DLG5: variants seen among roughly 807,000 people sequenced by gnomAD.
DLG5 encodes the protein discs large MAGUK scaffold protein 5.
A neutral mutation model predicts 189.8 loss-of-function variants in DLG5; 48 were observed. The ratio of observed to expected loss-of-function variants is 0.25; its 90% CI spans 0.20 to 0.32. The LOEUF is 0.32. Among genes scored for constraint, DLG5 ranks in the 10% least tolerant of loss-of-function variants. The pLI is 1.00. For missense variants in DLG5, 2,160 were observed against 2,544.7 expected, an observed-to-expected ratio of 0.85 and a Z score of 3.25; for synonymous variants, 1,016 against 1,054.1, an observed-to-expected ratio of 0.96 and a Z score of 0.70.
intron 12 of DLG5, 124 bp from the exon 13 acceptor site, chr10:77,829,109 G>A (rs1034572142): frequency 1.1e-5 from 12 of 1,117,532 alleles, no homozygotes; most frequent in South Asian, 3.0e-5. Context: ...CCCTGTCTAC[G>A]CCTGCACCCT....
At chr10:77,868,063 T>A (rs2154577022) in intron 2 of DLG5, 2 of 456,620 alleles carry the variant, frequency 4.4e-6, no homozygotes, top group South Asian at 1.5e-5. Context: ...CCGGGACAGA[T>A]CTCTCCCTAG....
chr10:77,938,386 G>A, the DLG5 span, among the ~76,000 whole-genome samples: 1 of 152,090 alleles, frequency 6.6e-6, no homozygotes, highest in Non-Finnish European at 1.5e-5. Context: ...AGCTATGATT[G>A]TGCCACTGTA....
intron 1 of DLG5, among the ~76,000 whole-genome samples, chr10:77,883,891 G>T (rs974432918): frequency 5.9e-5 from 9 of 152,158 alleles, no homozygotes; most frequent in Middle Eastern, 3.4e-3. Context: ...GAGAGACAGT[G>T]TTTTGCCATG....
chr10:77,839,081 G>C (rs1843292891), intron 7 of DLG5, among the ~76,000 whole-genome samples: 1 of 152,262 alleles, frequency 6.6e-6, no homozygotes, highest in South Asian at 2.1e-4. Flanking sequence ...TGCGGTGGTT[G>C]CCGCAAGGAC....
In DLG5 at chr10:77,829,968, A is replaced by G. The variant is rs77518267; in HGVS notation, c.2009+249T>C. 3.6e-3 allele frequency among the ~76,000 whole-genome samples: 551 copies of G among 152,338 alleles called. 4 individuals are homozygous for G. Among genetic ancestry groups the G allele is most frequent in the African/African-American group, 0.012 (513 of 41,580 alleles). Reference sequence around the variant, plus strand: ...CCTGGGCTCTCACGCATACCCCTTGAGCACTTTCCCACCCAAAGGAGCAAA... The same window carrying G: ...CCTGGGCTCTCACGCATACCCCTTGGGCACTTTCCCACCCAAAGGAGCAAA... On this transcript the variant is annotated intron_variant, in intron 11 of 31. Coordinates refer to ENST00000372391, the MANE Select transcript of DLG5 (RefSeq NM_004747.4).
In DLG5 at chr10:77,819,964, C is replaced by A; in HGVS notation, c.3457G>T (p.Ala1153Ser). 1 of 1,612,442 alleles carries A rather than the reference C, an allele frequency of 6.2e-7. No individual in the cohort carries two copies. The highest frequency in any genetic ancestry group is 1.1e-5 in the South Asian group (1 of 90,916). Reference protein sequence around the residue: ...GELSPELQEWAPYSPGHSSRH... With the variant: ...GELSPELQEWSPYSPGHSSRH... ...CTGGAATGCCCAGGCGAGTAAGGTG[C>A]CCACTCCTGGAGCTCCGGGGAGAGT... Residue 1153 changes from alanine (A) to serine (S), a missense_variant, in exon 16 of 32, where the codon GCA becomes TCA. Physicochemically the swap from Ala to Ser is moderately conservative, Grantham distance 99. Around this residue, in one of 5 missense-constraint regions of DLG5, gnomAD observed 754 missense variants for 746.5 expected, o/e 1.01. Coordinates refer to ENST00000372391, the MANE Select transcript of DLG5 (RefSeq NM_004747.4).
At position 77,805,773 on chromosome 10, in the gene DLG5, G is replaced by A. The variant is rs200998713; in HGVS notation, c.5056C>T (p.Arg1686Trp). The A allele has an allele frequency of 2.3e-5, 37 of 1,614,202 alleles. No individual in the cohort carries two copies. Among genetic ancestry groups the A allele is most frequent in the East Asian group, 8.9e-5 (4 of 44,868 alleles). ...ATKTLSAAAR[R>W]SFFRRKHKHK... ...TTGTGTTTCCTCCGAAAAAAGGACC[G>A]GCGTGCAGCCGCTGACAGCGTCTTT... The change falls in exon 27 of 32, where the codon CGG becomes TGG. Residue 1686 changes from arginine to tryptophan, a missense_variant. Transcript: ENST00000372391.
At chr10:77,921,546 T>A (rs1431879179) in intron 1 of DLG5, among the ~76,000 whole-genome samples, 1 of 152,194 alleles carries the variant, frequency 6.6e-6, no homozygotes, top group Non-Finnish European at 1.5e-5. Flanking sequence ...TACCTCTGCA[T>A]CCCCAATTCC....
chr10:77,935,001 G>A, the DLG5 span, among the ~76,000 whole-genome samples: 1 of 152,038 alleles, frequency 6.6e-6, no homozygotes, highest in East Asian at 1.9e-4. Flanking sequence ...GGGACTACAG[G>A]CGCCCGCCAC....
chr10:77,837,823 T>C (rs751176528), intron 7 of DLG5, among the ~76,000 whole-genome samples: 8 of 152,204 alleles, frequency 5.3e-5, no homozygotes, highest in South Asian at 2.1e-4. Flanking sequence ...TCTTTCTTCC[T>C]GTGCTGGGTG....
intron 24 of DLG5, among the ~76,000 whole-genome samples, chr10:77,808,678 G>A (rs539049879): frequency 4.6e-5 from 7 of 152,134 alleles, no homozygotes; most frequent in East Asian, 1.9e-4. Flanking sequence ...ACCTGAGGGC[G>A]AGCACCCCCT....
At chr10:77,862,917 G>A (rs1205272345) in intron 2 of DLG5, among the ~76,000 whole-genome samples, 3 of 152,118 alleles carry the variant, frequency 2.0e-5, no homozygotes, top group African/African-American at 7.2e-5. Flanking sequence ...GACTGAAGGT[G>A]GGGAAAGGGC....
chr10:77,806,607 T>G (rs10762764), intron 26 of DLG5, 151 bp downstream of exon 26: 426,832 of 1,107,424 alleles, frequency 0.39, 84,892 homozygotes, highest in African/African-American at 0.57. Flanking sequence ...ACCAGCACTT[T>G]TGGCAAAATG....
intron 13 of DLG5, among the ~76,000 whole-genome samples, chr10:77,825,417 G>T: frequency 1.3e-5 from 1 of 78,906 alleles, no homozygotes; most frequent in South Asian, 4.0e-4. Flanking sequence ...CACACACACA[G>T]TACCAATGTC....
intron 7 of DLG5, among the ~76,000 whole-genome samples, chr10:77,836,643 G>T (rs919046856): frequency 2.6e-5 from 4 of 152,180 alleles, no homozygotes; most frequent in Non-Finnish European, 4.4e-5. Flanking sequence ...AACAAGAGAA[G>T]AGAATGAAGT....
intron 1 of DLG5, among the ~76,000 whole-genome samples, chr10:77,897,583 G>A (rs1040025644): frequency 2.6e-5 from 4 of 151,716 alleles, no homozygotes; most frequent in African/African-American, 9.7e-5. Context: ...CAGCACTTTG[G>A]GAGACCGAGG....
chr10:77,910,858 G>C lies in DLG5; in HGVS notation c.304+15359C>G, dbSNP rs562105788. ...GTGATGGCACACGCCTGTAATCCCAGCTACTGGGGAGGCTGAGACACAAGA... is the reference window on the plus strand; with the variant it reads ...GTGATGGCACACGCCTGTAATCCCACCTACTGGGGAGGCTGAGACACAAGA... On this transcript the variant is annotated intron_variant, in intron 1 of 31. Coordinates refer to ENST00000372391, the MANE Select transcript of DLG5 (RefSeq NM_004747.4). Among the ~76,000 whole-genome samples the C allele has an allele frequency of 1.1e-4, 17 of 152,194 alleles. No individual in the cohort carries two copies. In the East Asian group the frequency reaches 3.1e-3, roughly 28 times the overall value.
chr10:77,937,117 C>T, the DLG5 span, among the ~76,000 whole-genome samples: 1 of 152,158 alleles, frequency 6.6e-6, no homozygotes, highest in Non-Finnish European at 1.5e-5. Context: ...TTCACTAGCT[C>T]CCCATTGCCT....
chr10:77,852,965 A>G (rs1415754704), intron 5 of DLG5, among the ~76,000 whole-genome samples: 1 of 152,114 alleles, frequency 6.6e-6, no homozygotes, highest in African/African-American at 2.4e-5. Flanking sequence ...AGCTACAAGC[A>G]CATCCAGCAA....
Sources: allele counts gnomAD v4.1 joint callset (sites outside exome capture counted in the v4.1 genomes callset), GRCh38; gene constraint gnomAD v4.1.1; regional missense constraint gnomAD v4.1.1; transcripts MANE v1.5; gene names NCBI Gene and HGNC (gene_info 2026-07-23, HGNC 2026-07-21).